Variants in UGGT2 observed in about 807,000 individuals in gnomAD.
The protein encoded by UGGT2 is UDP-glucose glycoprotein glucosyltransferase 2, also known as UDP-glucose:glycoprotein glucosyltransferase 2.
In UGGT2, 180 loss-of-function variants were observed where a neutral mutation model predicts 192.1. The observed-to-expected ratio is 0.94, with a 90% CI of 0.83 to 1.06. The LOEUF is 1.06. Ranked by LOEUF, UGGT2 falls within the 50% of genes least tolerant of loss-of-function variation. The pLI, the probability that UGGT2 is intolerant of heterozygous loss-of-function variation, is 0.00. For synonymous variants in UGGT2, 580 were observed against 591.0 expected, an observed-to-expected ratio of 0.98 and a Z score of 0.27; for missense variants, 1,849 against 1,795.7, an observed-to-expected ratio of 1.03 and a Z score of -0.54.
intron 12 of UGGT2, among the ~76,000 whole-genome samples, chr13:95,957,173 G>C (rs2050234712): frequency 6.6e-6 from 1 of 152,222 alleles, no homozygotes; most frequent in Non-Finnish European, 1.5e-5. Context: ...TCAGGAAGAA[G>C]GGTATGGGGA....
intron 38 of UGGT2, 189 bp downstream of exon 38, chr13:95,832,738 A>C (rs1886852788): frequency 1.3e-6 from 1 of 789,582 alleles, no homozygotes; most frequent in Non-Finnish European, 2.1e-6. Context: ...ATCCATGGGG[A>C]AACAGATTAT....
At chr13:95,939,813 T>C (rs1354336784) in intron 16 of UGGT2, 144 bp downstream of exon 16, 4 of 593,234 alleles carry the variant, frequency 6.7e-6, no homozygotes, top group Non-Finnish European at 8.2e-6. Context: ...TCCCCAATTC[T>C]GCCATCCCCA....
intron 20 of UGGT2, among the ~76,000 whole-genome samples, chr13:95,914,779 G>A (rs1295575447): frequency 6.8e-6 from 1 of 146,550 alleles, no homozygotes; most frequent in African/African-American, 2.7e-5. Context: ...CTCCAGCCTG[G>A]GCGACTGAGT....
At chr13:95,964,481 T>G (rs1156567234) in intron 12 of UGGT2, among the ~76,000 whole-genome samples, 1 of 152,052 alleles carries the variant, frequency 6.6e-6, no homozygotes, top group Non-Finnish European at 1.5e-5. Context: ...AAAAACCTTC[T>G]GCACAGCAAA....
intron 1 of UGGT2, among the ~76,000 whole-genome samples, chr13:96,041,247 A>G (rs1490427777): frequency 6.6e-6 from 1 of 152,164 alleles, no homozygotes; most frequent in African/African-American, 2.4e-5. Flanking sequence ...CCGAAGGTGT[A>G]TATCACTGGA....
chr13:95,960,350 A>G (rs1035610687), intron 12 of UGGT2, among the ~76,000 whole-genome samples: 2 of 152,246 alleles, frequency 1.3e-5, no homozygotes, highest in African/African-American at 4.8e-5. Context: ...TCAGAAAAAC[A>G]ATTCAGGAAA....
chr13:95,910,170 GA>G (rs1594299798), intron 20 of UGGT2, among the ~76,000 whole-genome samples: 1 of 152,176 alleles, frequency 6.6e-6, no homozygotes, highest in East Asian at 1.9e-4. Flanking sequence ...GTGCTATGAA[GA>G]AACTGCATCA....
intron 27 of UGGT2, among the ~76,000 whole-genome samples, chr13:95,883,362 GAGGACAATAAGGAGAAGGAAGTA>G (rs553378804): frequency 6.3e-4 from 96 of 152,308 alleles, no homozygotes; most frequent in Non-Finnish European, 1.2e-3. Context: ...AGGTCAGAGG[GAGGACAATAAGGAGAAGGAAGTA>G]AGGACAATAA....
intron 5 of UGGT2, among the ~76,000 whole-genome samples, chr13:96,010,457 T>C (rs1381467170): frequency 3.3e-5 from 5 of 152,264 alleles, no homozygotes; most frequent in South Asian, 2.1e-4. Context: ...TGACAGTTAA[T>C]AGTAGAAGAC....
chr13:96,002,030 T>A (rs2051822634), intron 5 of UGGT2, among the ~76,000 whole-genome samples: 1 of 152,260 alleles, frequency 6.6e-6, no homozygotes, highest in Admixed American at 6.5e-5. Context: ...AGGCATCCAG[T>A]CAACAGTAGG....
chr13:96,033,666 A>G (rs1566845790), intron 1 of UGGT2, among the ~76,000 whole-genome samples: 1 of 152,126 alleles, frequency 6.6e-6, no homozygotes, highest in African/African-American at 2.4e-5. Context: ...CCCTGCTTCA[A>G]TTTCGGAGCA....
At chr13:95,873,035 T>C (rs971486388) in intron 29 of UGGT2, among the ~76,000 whole-genome samples, 1 of 152,204 alleles carries the variant, frequency 6.6e-6, no homozygotes, top group Non-Finnish European at 1.5e-5. Flanking sequence ...TACAAGATCA[T>C]ACGGATAGTT....
chr13:95,898,110 C>T lies in UGGT2; in HGVS notation c.2634+2697G>A, dbSNP rs530078750. On this transcript the variant is annotated intron_variant, in intron 22 of 38. Coordinates refer to ENST00000376747, the MANE Select transcript of UGGT2 (RefSeq NM_020121.4). ...CCATATCCACTTCTTACTACCACCACTAGAACCATTCTGGTCCAAGCCACC... is the reference window on the plus strand; with the variant it reads ...CCATATCCACTTCTTACTACCACCATTAGAACCATTCTGGTCCAAGCCACC... Among the ~76,000 whole-genome samples the T allele has an allele frequency of 6.8e-4, 103 of 152,252 alleles. 2 individuals carry two copies. The highest frequency in any genetic ancestry group is 1.6e-3 in the Admixed American group (25 of 15,280).
intron 27 of UGGT2, among the ~76,000 whole-genome samples, chr13:95,879,721 G>A (rs2047439173): frequency 6.6e-6 from 1 of 152,174 alleles, no homozygotes; most frequent in African/African-American, 2.4e-5. Flanking sequence ...ATAGGTGTGA[G>A]CCACTGTGCC....
At chr13:96,040,120 T>C (rs919127684) in intron 1 of UGGT2, among the ~76,000 whole-genome samples, 1 of 152,236 alleles carries the variant, frequency 6.6e-6, no homozygotes, top group Non-Finnish European at 1.5e-5. Flanking sequence ...TTTGAACTAT[T>C]TGTTACAGCA....
intron 12 of UGGT2, among the ~76,000 whole-genome samples, chr13:95,950,391 A>T (rs1159188166): frequency 2.6e-5 from 4 of 152,132 alleles, no homozygotes; most frequent in Non-Finnish European, 5.9e-5. Flanking sequence ...GTAAGGCCAG[A>T]TCCTAGAAGT....
chr13:95,875,809 T>C (rs1891621431), intron 29 of UGGT2, among the ~76,000 whole-genome samples: 1 of 152,098 alleles, frequency 6.6e-6, no homozygotes, highest in Non-Finnish European at 1.5e-5. Context: ...AGGCACAGTA[T>C]AAAGGGGAAA....
chr13:95,986,143 C>G (rs993484638), intron 9 of UGGT2, among the ~76,000 whole-genome samples, 190 bp downstream of exon 9: 2 of 62,768 alleles, frequency 3.2e-5, no homozygotes, highest in Non-Finnish European at 8.2e-5. Context: ...TGCATACACA[C>G]ATGTATGCAC....
At chr13:95,889,696 G>A (rs1303828636) in intron 25 of UGGT2, among the ~76,000 whole-genome samples, 2 of 152,168 alleles carry the variant, frequency 1.3e-5, no homozygotes. Flanking sequence ...AGCCACATAA[G>A]TCCTTTTGGA....
Sources: allele counts gnomAD v4.1 joint callset (sites outside exome capture counted in the v4.1 genomes callset), GRCh38; gene constraint gnomAD v4.1.1; transcripts MANE v1.5; gene names NCBI Gene and HGNC (gene_info 2026-07-23, HGNC 2026-07-21).